BMPR1B: variants seen among roughly 807,000 people sequenced by gnomAD.
The protein encoded by BMPR1B is bone morphogenetic protein receptor type 1B, also known as bone morphogenetic protein receptor type-1B.
A neutral mutation model predicts 59.1 loss-of-function variants in BMPR1B; 12 were observed. The observed-to-expected ratio is 0.20, with a 90% CI of 0.13 to 0.33. The LOEUF (loss-of-function observed/expected upper bound fraction) is 0.33. Among genes scored for constraint, BMPR1B ranks in the 10% least tolerant of loss-of-function variants. BMPR1B has a pLI of 1.00. For missense variants in BMPR1B, 550 were observed against 610.9 expected (o/e 0.90, Z 1.05); for synonymous variants, 237 against 207.3 (o/e 1.14, Z -1.23).
intron 2 of BMPR1B, among the ~76,000 whole-genome samples, chr4:94,896,732 A>T (rs1727601678): frequency 6.6e-6 from 1 of 152,060 alleles, no homozygotes; most frequent in Non-Finnish European, 1.5e-5. Context: ...AAATACAGGT[A>T]TAAGCAAGCC....
rs758329362 is a variant in BMPR1B at position 95,155,089 on chromosome 4, A to G, written c.*416A>G. On this transcript the variant is annotated 3_prime_UTR_variant, in exon 13 of 13. Transcript: ENST00000515059. ...CTTCCCAGGAACTCTGCTGGAAGGTAAATTAAAATACTTGTTTTTCCATTG... is the reference window on the plus strand; with the variant it reads ...CTTCCCAGGAACTCTGCTGGAAGGTGAATTAAAATACTTGTTTTTCCATTG... The G allele has an allele frequency of 2.0e-4, 36 of 181,150 alleles. No homozygotes were observed. Among genetic ancestry groups the G allele is most frequent in the Non-Finnish European group, 3.8e-4 (32 of 85,124 alleles). The allele number at this position is 181,150 out of a possible 1,614,324, so 11.2% of individuals were successfully genotyped here. A position where few individuals can be genotyped will look rare whatever the true frequency, so the allele number is the denominator to read the frequency against.
At chr4:95,060,270 ATT>A (rs1727255493) in intron 3 of BMPR1B, among the ~76,000 whole-genome samples, 1 of 152,210 alleles carries the variant, frequency 6.6e-6, no homozygotes, top group Admixed American at 6.5e-5. Flanking sequence ...AGTTCAGTTT[ATT>A]CTTTCCCTAC....
Position 95,154,966 on chromosome 4 carries a change from T to A in BMPR1B, c.*293T>A, listed in dbSNP as rs539266615. 2.8e-6 allele frequency: 1 copy of A among 354,562 alleles called. No homozygotes were observed. 22.0% of individuals were successfully genotyped at this position (354,562 alleles called of 1,614,324 possible). ...AGCCCTGTATTTTGTGATTGCCTTT[T>A]TTTTTTTTTAAGATGCTTTCATTTT... On this transcript the variant is annotated 3_prime_UTR_variant, in exon 13 of 13. Coordinates refer to ENST00000515059, the MANE Select transcript of BMPR1B (RefSeq NM_001203.3).
At chr4:95,143,105 AG>A (rs1424362603) in intron 10 of BMPR1B, among the ~76,000 whole-genome samples, 1 of 152,062 alleles carries the variant, frequency 6.6e-6, no homozygotes, top group African/African-American at 2.4e-5. Context: ...CTCCACTTTC[AG>A]CCTTTCTGCA....
At chr4:94,903,266 C>T (rs1411147922) in intron 2 of BMPR1B, among the ~76,000 whole-genome samples, 18 of 151,740 alleles carry the variant, frequency 1.2e-4, no homozygotes, top group African/African-American at 2.4e-5. Context: ...AACCCCTTAC[C>T]CCCTTTTTTA....
intron 2 of BMPR1B, among the ~76,000 whole-genome samples, chr4:94,970,043 C>T (rs1048659609): frequency 5.9e-5 from 9 of 152,106 alleles, no homozygotes; most frequent in Admixed American, 3.9e-4. Context: ...TAAAGATTAA[C>T]TTCTTAGTTA....
chr4:94,858,334 T>G (rs1424794244), intron 1 of BMPR1B, among the ~76,000 whole-genome samples: 3 of 152,152 alleles, frequency 2.0e-5, no homozygotes, highest in African/African-American at 7.2e-5. Flanking sequence ...AACAAGAATT[T>G]CAATAGAAAT....
intron 1 of BMPR1B, among the ~76,000 whole-genome samples, chr4:94,780,682 C>CTTTTT (rs869117575): frequency 1.6e-4 from 13 of 82,340 alleles, no homozygotes; most frequent in East Asian, 4.0e-4. Context: ...GTATTATTGT[C>CTTTTT]TTTTTTTTTT....
At chr4:94,821,412 G>C (rs1025789728) in intron 1 of BMPR1B, among the ~76,000 whole-genome samples, 6 of 151,980 alleles carry the variant, frequency 3.9e-5, no homozygotes, top group African/African-American at 1.4e-4. Context: ...AATTTAGCTA[G>C]AGCATATATA....
chr4:94,929,397 T>G (rs1729008659), intron 2 of BMPR1B, among the ~76,000 whole-genome samples: 2 of 152,248 alleles, frequency 1.3e-5, no homozygotes, highest in South Asian at 4.1e-4. Context: ...ATCACTTCTG[T>G]TATCATCTCT....
chr4:94,929,660 C>A (rs1261372310), intron 2 of BMPR1B, among the ~76,000 whole-genome samples: 1 of 152,016 alleles, frequency 6.6e-6, no homozygotes, highest in African/African-American at 2.4e-5. Context: ...CTTCTCTTAG[C>A]CCTATTCTGG....
intron 1 of BMPR1B, among the ~76,000 whole-genome samples, chr4:94,868,412 C>T (rs1215239535): frequency 6.6e-6 from 1 of 151,940 alleles, no homozygotes; most frequent in Non-Finnish European, 1.5e-5. Context: ...CTCAAATGGT[C>T]CACCCACCTC....
intron 2 of BMPR1B, among the ~76,000 whole-genome samples, chr4:94,967,574 C>T (rs1165204080): frequency 6.6e-6 from 1 of 152,036 alleles, no homozygotes; most frequent in African/African-American, 2.4e-5. Flanking sequence ...CCTCTACCTC[C>T]TGGGTTCAAG....
chr4:94,852,206 G>C (rs1725595102), intron 1 of BMPR1B, among the ~76,000 whole-genome samples: 1 of 152,062 alleles, frequency 6.6e-6, no homozygotes, highest in Non-Finnish European at 1.5e-5. Context: ...TGGCTCTCTT[G>C]GTTCTTTATG....
chr4:95,142,609 C>T lies in BMPR1B; in HGVS notation c.1077-6139C>T, dbSNP rs531567471. Among the ~76,000 whole-genome samples, 9 of 152,174 alleles carry T rather than the reference C, an allele frequency of 5.9e-5. No homozygotes were observed. The South Asian group carries it at 1.5e-3, about 25-fold the overall frequency. ...TTCCCTTTCCTCTCTTTCTTTTAGG[C>T]ATCAACAGCATCCAGCAGGAGGACC... On this transcript the variant is annotated intron_variant, in intron 10 of 12. Transcript: ENST00000515059.
At chr4:95,124,181 T>G (rs1189217439) in intron 7 of BMPR1B, among the ~76,000 whole-genome samples, 1 of 151,968 alleles carries the variant, frequency 6.6e-6, no homozygotes, top group East Asian at 1.9e-4. Context: ...CAGAGACTGG[T>G]TGTTACTTAG....
intron 1 of BMPR1B, among the ~76,000 whole-genome samples, chr4:94,764,839 A>G (rs1721910276): frequency 6.6e-6 from 1 of 152,170 alleles, no homozygotes; most frequent in South Asian, 2.1e-4. Flanking sequence ...GTTTAGGACC[A>G]GGCACTGTAC....
chr4:94,770,180 G>GGTTTTTTTTTTTTT (rs771544268), intron 1 of BMPR1B, among the ~76,000 whole-genome samples: 8 of 106,246 alleles, frequency 7.5e-5, no homozygotes, highest in African/African-American at 2.1e-4. Flanking sequence ...CTTCGTTTCT[G>GGTTTTTTTTTTTTT]TGTTTGTTTT....
intron 2 of BMPR1B, among the ~76,000 whole-genome samples, chr4:94,975,427 A>G (rs1170231048): frequency 7.5e-6 from 1 of 133,378 alleles, no homozygotes; most frequent in East Asian, 2.6e-4. Flanking sequence ...ACAGTGGTGC[A>G]GTCACGACTC....
Sources: allele counts gnomAD v4.1 joint callset (sites outside exome capture counted in the v4.1 genomes callset), GRCh38; gene constraint gnomAD v4.1.1; transcripts MANE v1.5; gene names NCBI Gene and HGNC (gene_info 2026-07-23, HGNC 2026-07-21).